Variants in RASSF5 observed in about 807,000 individuals in gnomAD.
The protein encoded by RASSF5 is ras association domain-containing protein 5.
RASSF5 carries 25 observed loss-of-function variants against 40.5 expected under a neutral mutation model. The ratio of observed to expected loss-of-function variants is 0.62; its 90% CI spans 0.45 to 0.86. The LOEUF (loss-of-function observed/expected upper bound fraction) is 0.86, where lower values mean the gene tolerates loss of function less well. RASSF5 is among the 40% of genes least tolerant of loss of function. The probability of loss-of-function intolerance (pLI) is 0.00; values close to 1 mark genes in which losing one functional copy is unlikely to be tolerated. For synonymous variants in RASSF5, 246 were observed against 252.4 expected, an observed-to-expected ratio of 0.97 and a Z score of 0.24; for missense variants, 521 against 572.8, an observed-to-expected ratio of 0.91 and a Z score of 0.92.
At position 206,538,380 on chromosome 1, in the gene RASSF5, C is replaced by T; in HGVS notation, c.579+87C>T. 3.2e-6 allele frequency: 5 copies of T among 1,562,340 alleles called. No homozygotes were observed. The South Asian group carries it at 5.8e-5, about 18-fold the overall frequency. On this transcript the variant is annotated intron_variant, in intron 2 of 5. Coordinates refer to ENST00000579436, the MANE Select transcript of RASSF5 (RefSeq NM_182663.4). ...TTTCTCTCCCAGGAGCTCTGGTGAG[C>T]AGGAGGTGGCATGAGGCCTCAGATT...
chr1:206,550,919 C>T (rs1452547939), intron 2 of RASSF5, among the ~76,000 whole-genome samples: 1 of 152,210 alleles, frequency 6.6e-6, no homozygotes, highest in African/African-American at 2.4e-5. Flanking sequence ...CTACCCAGTC[C>T]TAAGGCTGCT....
chr1:206,562,147 C>A (rs1553402761), intron 2 of RASSF5, among the ~76,000 whole-genome samples: 1 of 152,032 alleles, frequency 6.6e-6, no homozygotes, highest in Non-Finnish European at 1.5e-5. Flanking sequence ...GTAATTGTTC[C>A]ATCTCCTCCT....
At position 206,584,841 on chromosome 1, in the gene RASSF5, G is replaced by A; in HGVS notation, c.988+157G>A. The A allele has an allele frequency of 1.3e-6, 1 of 767,416 alleles. No individual in the cohort carries two copies. 47.5% of individuals were successfully genotyped at this position (767,416 alleles called of 1,614,324 possible). A position where few individuals can be genotyped will look rare whatever the true frequency, so the allele number is the denominator to read the frequency against. On this transcript the variant is annotated intron_variant, in intron 4 of 5. Coordinates refer to ENST00000579436, the MANE Select transcript of RASSF5 (RefSeq NM_182663.4). The surrounding 1 kb of genome is among the most constrained non-coding windows in gnomAD (Gnocchi z 4.9). Reference sequence around the variant, plus strand: ...TGGTGTTCAGATCTGTGGAATCCGGGCAGGGAGGCAAGAGCAGAGTCCCTG... The same window carrying A: ...TGGTGTTCAGATCTGTGGAATCCGGACAGGGAGGCAAGAGCAGAGTCCCTG...
At chr1:206,578,240 G>A (rs1244075940) in intron 2 of RASSF5, among the ~76,000 whole-genome samples, 7 of 149,588 alleles carry the variant, frequency 4.7e-5, no homozygotes, top group Non-Finnish European at 7.4e-5. Context: ...AAAAGTGTGT[G>A]TGTGTGTGTG....
At chr1:206,536,789 C>G (rs79666971) in intron 1 of RASSF5, among the ~76,000 whole-genome samples, 3,412 of 152,186 alleles carry the variant, frequency 0.022, 73 homozygotes, top group Non-Finnish European at 0.031. Flanking sequence ...GCCACAAAAC[C>G]CGCCCACCCT....
chr1:206,574,302 A>G (rs1225446706), intron 2 of RASSF5, among the ~76,000 whole-genome samples: 3 of 152,192 alleles, frequency 2.0e-5, no homozygotes, highest in Admixed American at 2.0e-4. Context: ...CTGGTGTGCC[A>G]CAGCGCATCC....
Position 206,521,905 on chromosome 1 carries a change from G to T in RASSF5, c.457+13846G>T, listed in dbSNP as rs568473966. ...GCAAAGTGACACATGCCTAGACGAG[G>T]GGCCCCTCCTGAGCAGGCCTGGGGC... On this transcript the variant is annotated intron_variant, in intron 1 of 5. Transcript: ENST00000579436. 3.3e-5 allele frequency among the ~76,000 whole-genome samples: 5 copies of T among 152,314 alleles called. No individual in the cohort carries two copies. In the East Asian group the frequency reaches 9.6e-4, roughly 29 times the overall value.
At chr1:206,555,720 C>T (rs146116401) in intron 2 of RASSF5, among the ~76,000 whole-genome samples, 4 of 152,312 alleles carry the variant, frequency 2.6e-5, no homozygotes, top group Admixed American at 2.0e-4. Context: ...GGCGGCCAGC[C>T]GGCTGGGGTG....
chr1:206,554,850 T>G (rs1667940338), intron 2 of RASSF5, among the ~76,000 whole-genome samples: 1 of 152,200 alleles, frequency 6.6e-6, no homozygotes. Context: ...TTTCTTCTAG[T>G]CCTAAAGTCC....
At chr1:206,526,293 T>TGTGTG (rs1553397193) in intron 1 of RASSF5, among the ~76,000 whole-genome samples, 2 of 151,328 alleles carry the variant, frequency 1.3e-5, no homozygotes, top group South Asian at 2.1e-4. Context: ...TGTGTGTGTG[T>TGTGTG]TGGAGTTGGG....
At chr1:206,563,877 G>C (rs1553403027) in intron 2 of RASSF5, among the ~76,000 whole-genome samples, 1 of 152,162 alleles carries the variant, frequency 6.6e-6, no homozygotes, top group East Asian at 1.9e-4. Context: ...CAGGCCCCCT[G>C]GGTCCTGCTC....
Position 206,579,898 on chromosome 1 carries a change from C to G in RASSF5, c.580-3371C>G, listed in dbSNP as rs1553405917. On this transcript the variant is annotated intron_variant, in intron 2 of 5. Transcript: ENST00000579436. This position sits in a 1 kb window ranked among gnomAD's most constrained non-coding sequence, Gnocchi z 4.2. ...GAGGTGATTCATTTGGTCCATGGGTCACATCTTGTCTGCCAGATATTTTTG... is the reference window on the plus strand; with the variant it reads ...GAGGTGATTCATTTGGTCCATGGGTGACATCTTGTCTGCCAGATATTTTTG... Among the ~76,000 whole-genome samples, 1 of 152,202 alleles carries G rather than the reference C, an allele frequency of 6.6e-6. No homozygotes were observed. Among genetic ancestry groups the G allele is most frequent in the African/African-American group, 2.4e-5 (1 of 41,448 alleles).
intron 1 of RASSF5, among the ~76,000 whole-genome samples, chr1:206,510,164 G>A (rs199538492): frequency 6.6e-6 from 1 of 152,180 alleles, no homozygotes; most frequent in African/African-American, 2.4e-5. Flanking sequence ...CAAACTCGCT[G>A]AGCATCTTTC....
At chr1:206,565,142 C>A (rs1668250265) in intron 2 of RASSF5, among the ~76,000 whole-genome samples, 2 of 152,148 alleles carry the variant, frequency 1.3e-5, no homozygotes, top group Admixed American at 6.5e-5. Flanking sequence ...CTCCTAGTCC[C>A]CCACCTTCAA....
intron 2 of RASSF5, among the ~76,000 whole-genome samples, chr1:206,576,870 C>T (rs1045300233): frequency 2.6e-5 from 4 of 152,136 alleles, no homozygotes; most frequent in African/African-American, 7.2e-5. Context: ...GGCACAATCA[C>T]GGCTCACTGC....
rs1669212575 is a variant in RASSF5, at chr1:206,588,338, A to G, written c.*1360A>G. Reference sequence around the variant, plus strand: ...ATCAGTGATACCAGACCACATTGACAGGGAGGATCAAATTCCTGACTTACA... The same window carrying G: ...ATCAGTGATACCAGACCACATTGACGGGGAGGATCAAATTCCTGACTTACA... On this transcript the variant is annotated 3_prime_UTR_variant, in exon 6 of 6. Transcript: ENST00000579436. 6.6e-6 allele frequency: 1 copy of G among 152,430 alleles called. No homozygotes were observed. Among genetic ancestry groups the G allele is most frequent in the African/African-American group, 2.4e-5 (1 of 41,452 alleles). 9.4% of individuals were successfully genotyped at this position (152,430 alleles called of 1,614,324 possible).
chr1:206,574,312 C>G (rs893806782), intron 2 of RASSF5, among the ~76,000 whole-genome samples: 1 of 152,224 alleles, frequency 6.6e-6, no homozygotes, highest in African/African-American at 2.4e-5. Flanking sequence ...ACAGCGCATC[C>G]ATCTCTGTCT....
At chr1:206,523,721 A>T (rs868976722) in intron 1 of RASSF5, among the ~76,000 whole-genome samples, 1 of 51,794 alleles carries the variant, frequency 1.9e-5, no homozygotes, top group Non-Finnish European at 3.0e-5. Context: ...TATACAATAT[A>T]TTTATATATT....
Position 206,584,084 on chromosome 1 carries a change from T to TA in RASSF5, c.691-302dup, listed in dbSNP as rs1295771568. Among the ~76,000 whole-genome samples the TA allele has an allele frequency of 1.3e-5, 2 of 152,102 alleles. No individual in the cohort carries two copies. Among genetic ancestry groups the TA allele is most frequent in the African/African-American group, 2.4e-5 (1 of 41,404 alleles). ...AGTGGCTACCCCACACCCTGCCTCT[T>TA]ACAATGGGCACTCACCAAAGGCAAC... On this transcript the variant is annotated intron_variant, in intron 3 of 5. Coordinates refer to ENST00000579436, the MANE Select transcript of RASSF5 (RefSeq NM_182663.4). The surrounding 1 kb of genome is among the most constrained non-coding windows in gnomAD (Gnocchi z 4.9).
Sources: allele counts gnomAD v4.1 joint callset (sites outside exome capture counted in the v4.1 genomes callset), GRCh38; gene constraint gnomAD v4.1.1; non-coding constraint Gnocchi (gnomAD v3.1); transcripts MANE v1.5; gene names NCBI Gene and HGNC (gene_info 2026-07-23, HGNC 2026-07-21).